CCDC82: variants seen among roughly 807,000 people sequenced by gnomAD.
CCDC82 encodes coiled-coil domain containing 82, also known as coiled-coil domain-containing protein 82.
A neutral mutation model predicts 60.6 loss-of-function variants in CCDC82; 47 were observed. The ratio of observed to expected loss-of-function variants is 0.77; its 90% CI spans 0.61 to 0.99. The LOEUF (loss-of-function observed/expected upper bound fraction) is 0.99. Among genes scored for constraint, CCDC82 ranks in the 50% least tolerant of loss-of-function variants. CCDC82 has a pLI of 0.00. For missense variants in CCDC82, 588 were observed against 633.0 expected, an observed-to-expected ratio of 0.93 and a Z score of 0.76; for synonymous variants, 212 against 207.4, an observed-to-expected ratio of 1.02 and a Z score of -0.19.
In CCDC82 at chr11:96,384,734, C is replaced by T. The variant is rs200385114; in HGVS notation, c.14G>A (p.Arg5Lys). The change falls in exon 4 of 10, where the codon AGA becomes AAA. Residue 5 changes from arginine to lysine, a missense_variant. By Grantham distance (26) the Arg-to-Lys change is conservative (BLOSUM62 2). Transcript: ENST00000646818. MIHV[R>K]RHETRRNSKS... is the part of the protein sequence containing the mutation. ...AGAATTTCTCCTTGTTTCATGTCTT[C>T]TAACATGTATCATTTTCACTTAAGC... 6.3e-7 allele frequency: 1 copy of T among 1,595,890 alleles called. No homozygotes were observed. Among genetic ancestry groups the T allele is most frequent in the East Asian group, 2.2e-5 (1 of 44,784 alleles).
intron 9 of CCDC82, 88 bp from the exon 10 acceptor site, chr11:96,353,802 A>C: frequency 1.2e-6 from 1 of 826,324 alleles, no homozygotes; most frequent in Admixed American, 2.3e-5. Context: ...AATTAGGATA[A>C]GTCCATTTCA....
At chr11:96,380,599 G>T (rs1032022025) in intron 5 of CCDC82, 1 of 151,722 alleles carries the variant, frequency 6.6e-6, no homozygotes, top group Non-Finnish European at 1.5e-5. Flanking sequence ...TCTTTCAATA[G>T]GTGAATGGAT....
At chr11:96,357,848 G>C in intron 9 of CCDC82, 2 of 985,396 alleles carry the variant, frequency 2.0e-6, no homozygotes, top group Non-Finnish European at 2.4e-6. Context: ...TAAGCAGGGA[G>C]AAGCATTTGG....
intron 5 of CCDC82, chr11:96,380,681 T>A (rs1441762522): frequency 6.6e-6 from 1 of 151,768 alleles, no homozygotes; most frequent in Admixed American, 6.6e-5. Context: ...TTAAGCCACA[T>A]TTAGACATGG....
At chr11:96,360,922 A>G (rs1864628857) in intron 8 of CCDC82, among the ~76,000 whole-genome samples, 1 of 152,260 alleles carries the variant, frequency 6.6e-6, no homozygotes, top group Non-Finnish European at 1.5e-5. Context: ...TAAGAAAAGC[A>G]TGTTCAGATT....
chr11:96,386,264 T>A lies in CCDC82; in HGVS notation c.-25A>T, dbSNP rs1866184731. The A allele has an allele frequency of 6.6e-6, 1 of 152,560 alleles. No individual in the cohort carries two copies. Among genetic ancestry groups the A allele is most frequent in the African/African-American group, 2.4e-5 (1 of 41,446 alleles). 9.5% of individuals were successfully genotyped at this position (152,560 alleles called of 1,614,324 possible). Reference sequence around the variant, plus strand: ...CAATGGGAATCTTACCGGACTATGTTTCCAGCTTTCCAAGAGGATTACTTT... The same window carrying A: ...CAATGGGAATCTTACCGGACTATGTATCCAGCTTTCCAAGAGGATTACTTT... On this transcript the variant is annotated 5_prime_UTR_variant, in exon 3 of 10. Transcript: ENST00000646818.
At position 96,385,016 on chromosome 11, in the gene CCDC82, T is replaced by G. The variant is rs532931485; in HGVS notation, c.-14-255A>C. ...CAAGGGATACATAGAAAAATCATGG[T>G]GCTGTCCTTCAGAAGATTATTATCT... On this transcript the variant is annotated intron_variant, in intron 3 of 9. Transcript: ENST00000646818. 2.1e-5 allele frequency: 6 copies of G among 291,512 alleles called. No homozygotes were observed. The South Asian group carries it at 6.3e-4, about 31-fold the overall frequency. The allele number at this position is 291,512 out of a possible 1,614,324, so 18.1% of individuals were successfully genotyped here. A position where few individuals can be genotyped will look rare whatever the true frequency, so the allele number is the denominator to read the frequency against.
Position 96,353,524 on chromosome 11 carries a change from A to T in CCDC82, c.*122T>A, listed in dbSNP as rs993793429. 1.3e-6 allele frequency: 1 copy of T among 766,586 alleles called. No homozygotes were observed. The highest frequency in any genetic ancestry group is 2.4e-5 in the Admixed American group (1 of 41,444). 47.5% of individuals were successfully genotyped at this position (766,586 alleles called of 1,614,324 possible). On this transcript the variant is annotated 3_prime_UTR_variant, in exon 10 of 10. Transcript: ENST00000646818. ...AGGAATTAAGATAATCATGTTTTAA[A>T]CAAAATATTTTGCCATGAAGATATA...
chr11:96,367,671 T>C (rs377153632), intron 7 of CCDC82, among the ~76,000 whole-genome samples: 41 of 152,314 alleles, frequency 2.7e-4, no homozygotes, highest in African/African-American at 8.2e-4. Flanking sequence ...ATTGTTAATG[T>C]TGATATTTTT....
chr11:96,377,702 T>G (rs1865662752), intron 5 of CCDC82, among the ~76,000 whole-genome samples: 1 of 152,102 alleles, frequency 6.6e-6, no homozygotes, highest in Non-Finnish European at 1.5e-5. Flanking sequence ...TGTAATATAT[T>G]AATGACTTCT....
At chr11:96,364,448 TTGAC>T (rs1410153339) in intron 8 of CCDC82, 13 of 152,222 alleles carry the variant, frequency 8.5e-5, no homozygotes, top group African/African-American at 2.9e-4. Context: ...ATCTTAATAA[TTGAC>T]TGGGAGGATT....
intron 5 of CCDC82, 79 bp downstream of exon 5, chr11:96,383,190 G>T (rs758984060): frequency 3.6e-6 from 3 of 833,822 alleles, no homozygotes; most frequent in Non-Finnish European, 4.1e-6. Flanking sequence ...TTTAGAACAT[G>T]ATATTAAAAG....
chr11:96,371,092 A>G lies in CCDC82; in HGVS notation c.1130T>C (p.Leu377Pro). 1 of 1,606,248 alleles carries G rather than the reference A, an allele frequency of 6.2e-7. No homozygotes were observed. The highest frequency in any genetic ancestry group is 8.5e-7 in the Non-Finnish European group (1 of 1,176,238). Residue 377 changes from leucine (L) to proline (P), a missense_variant, in exon 7 of 10, where the codon CTT becomes CCT. Transcript: ENST00000646818. The stretch of plus-strand genomic sequence containing the variant: ...AACAAAGCGGTTATCCAAATAATGA[A>G]GAGATGTTAGCATATCTTTTGCATA... Reference protein sequence around the residue: ...KSYAKDMLTSLHYLDNRFVQP... With the variant: ...KSYAKDMLTSPHYLDNRFVQP...
At position 96,383,388 on chromosome 11, in the gene CCDC82, T is replaced by C. The variant is rs773580954; in HGVS notation, c.872A>G (p.Asp291Gly). 2.4e-5 allele frequency: 38 copies of C among 1,600,832 alleles called. No individual in the cohort carries two copies. Among genetic ancestry groups the C allele is most frequent in the Non-Finnish European group, 2.8e-5 (33 of 1,171,394 alleles). The change falls in exon 5 of 10, where the codon GAT (aspartate) becomes GGT (glycine). Residue 291 changes from aspartate to glycine, a missense_variant. Transcript: ENST00000646818. ...TACAAAGTCATCGATAATATAATCA[T>C]CTCCATCTTCATCAGATTCATAATT... ...EDNYESDEDG[D>G]DYIIDDFVVQ...
At chr11:96,383,560 CA>C (rs199829328) in intron 4 of CCDC82, 87 bp from the exon 5 acceptor site, 8 of 816,958 alleles carry the variant, frequency 9.8e-6, no homozygotes, top group African/African-American at 3.5e-5. Context: ...AATCTGACAG[CA>C]AAAAAATGAT....
intron 7 of CCDC82, among the ~76,000 whole-genome samples, chr11:96,366,137 T>C (rs952545258): frequency 9.9e-5 from 15 of 152,218 alleles, no homozygotes; most frequent in Non-Finnish European, 1.9e-4. Flanking sequence ...TGGAAGCACA[T>C]GTTAAGATGA....
At chr11:96,373,607 T>A in intron 5 of CCDC82, 140 bp from the exon 6 acceptor site, 1 of 516,808 alleles carries the variant, frequency 1.9e-6, no homozygotes. Context: ...TATAGCTTCC[T>A]CGATGACTTG....
intron 3 of CCDC82, 133 bp downstream of exon 3, chr11:96,386,121 T>C (rs1866177740): frequency 6.6e-6 from 1 of 152,222 alleles, no homozygotes. Context: ...TGTTAGCAGC[T>C]TGCAGAAATG....
intron 8 of CCDC82, chr11:96,363,614 A>G (rs545932611): frequency 6.6e-6 from 1 of 152,324 alleles, no homozygotes; most frequent in South Asian, 2.1e-4. Flanking sequence ...CTGCTTTGCA[A>G]AAGATAAACT....
Sources: gnomAD v4.1 joint callset for allele counts (sites outside exome capture counted in the v4.1 genomes callset) on GRCh38, gnomAD v4.1.1 for gene constraint, MANE v1.5 for transcripts, NCBI Gene and HGNC (gene_info 2026-07-23, HGNC 2026-07-21) for gene names.